Variants in ZC3H12C observed in about 807,000 individuals in gnomAD.
ZC3H12C encodes probable ribonuclease ZC3H12C.
In ZC3H12C, 20 loss-of-function variants were observed where a neutral mutation model predicts 76.3. The observed-to-expected ratio is 0.26, with a 90% confidence interval of 0.18 to 0.38. The LOEUF is 0.38. Among genes scored for constraint, ZC3H12C ranks in the 10% least tolerant of loss-of-function variants. ZC3H12C has a pLI of 1.00. For synonymous variants in ZC3H12C, 352 were observed against 399.6 expected (o/e 0.88, Z 1.42); for missense variants, 874 against 1,086.5 (o/e 0.80, Z 2.75).
chr11:110,111,656 A>G (rs547555574), intron 1 of ZC3H12C, among the ~76,000 whole-genome samples: 1 of 149,580 alleles, frequency 6.7e-6, no homozygotes, highest in African/African-American at 2.5e-5. Flanking sequence ...TCAGCTTCCC[A>G]AGTAGCTGGG....
At chr11:110,143,235 A>G (rs1323419914) in intron 2 of ZC3H12C, among the ~76,000 whole-genome samples, 1 of 152,162 alleles carries the variant, frequency 6.6e-6, no homozygotes, top group Admixed American at 6.6e-5. Flanking sequence ...ACGTTTCTGT[A>G]TTTTCCTATT....
At chr11:110,131,809 AAG>A (rs2134172047) in intron 1 of ZC3H12C, 1 of 152,406 alleles carries the variant, frequency 6.6e-6, no homozygotes, top group East Asian at 1.9e-4. Flanking sequence ...AAGGGTTAAA[AAG>A]AGGTTTTCAT....
chr11:110,139,371 G>C (rs1405404132), intron 2 of ZC3H12C, among the ~76,000 whole-genome samples: 1 of 152,200 alleles, frequency 6.6e-6, no homozygotes, highest in Non-Finnish European at 1.5e-5. Flanking sequence ...AGCTGGCTCT[G>C]TAATCCAAGG....
rs753852957 is a variant in ZC3H12C, at chr11:110,110,237, C to T, written c.21+16805C>T. Among the ~76,000 whole-genome samples the T allele has an allele frequency of 7.9e-5, 12 of 151,956 alleles. No individual in the cohort carries two copies. The East Asian group carries it at 1.2e-3, about 15-fold the overall frequency. On this transcript the variant is annotated intron_variant, in intron 1 of 5. Coordinates refer to ENST00000278590, the MANE Select transcript of ZC3H12C (RefSeq NM_033390.2). Reference sequence around the variant, plus strand: ...GGGATGGTGTAACTTTCAAAATAAACGTATTTTTCCTAGTTTGTTTTAAAA... The same window carrying T: ...GGGATGGTGTAACTTTCAAAATAAATGTATTTTTCCTAGTTTGTTTTAAAA...
chr11:110,116,135 G>A (rs1210519683), intron 1 of ZC3H12C, among the ~76,000 whole-genome samples: 2 of 151,988 alleles, frequency 1.3e-5, no homozygotes, highest in African/African-American at 2.4e-5. Context: ...TTAAACTTCA[G>A]TTTTCTCCCT....
Position 110,164,288 on chromosome 11 carries a change from T to G in ZC3H12C, c.1256-53T>G, listed in dbSNP as rs1862534932. On this transcript the variant is annotated intron_variant, in intron 5 of 5. Transcript: ENST00000278590. The surrounding 1 kb of genome is among the most constrained non-coding windows in gnomAD (Gnocchi z 5.7). Reference sequence around the variant, plus strand: ...GTTAAAATCATAGGGCCAAACTGAGTTTTCAGGATCTGATGGTATGCTCCT... The same window carrying G: ...GTTAAAATCATAGGGCCAAACTGAGGTTTCAGGATCTGATGGTATGCTCCT... The G allele has an allele frequency of 6.8e-7, 1 of 1,464,636 alleles. No homozygotes were observed. Among genetic ancestry groups the G allele is most frequent in the African/African-American group, 1.4e-5 (1 of 70,600 alleles). The allele number at this position is 1,464,636 out of a possible 1,614,324, so 90.7% of individuals were successfully genotyped here.
chr11:110,096,414 C>A (rs1338162426), intron 1 of ZC3H12C, among the ~76,000 whole-genome samples: 3 of 152,238 alleles, frequency 2.0e-5, no homozygotes, highest in East Asian at 1.9e-4. Flanking sequence ...CGTTTGTACA[C>A]TGATGTGCCA....
In ZC3H12C at chr11:110,169,339, G is replaced by GGTGTGTGTGTGTGTGTGTGTGT. The variant is rs143466304; in HGVS notation, c.*3623_*3644dup. ...TGTGACAGGTGGGAGGATGGCTCTG[G>GGTGTGTGTGTGTGTGTGTGTGT]GTGTGTGTGTGTGTGTGTGTGTGTG... is the stretch of plus-strand genomic sequence containing the variant. On this transcript the variant is annotated 3_prime_UTR_variant, in exon 6 of 6. Transcript: ENST00000278590. 1 of 146,266 alleles carries GGTGTGTGTGTGTGTGTGTGTGT rather than the reference G, an allele frequency of 6.8e-6. No individual in the cohort carries two copies. Among genetic ancestry groups the GGTGTGTGTGTGTGTGTGTGTGT allele is most frequent in the African/African-American group, 2.5e-5 (1 of 39,436 alleles). 9.1% of individuals were successfully genotyped at this position (146,266 alleles called of 1,614,324 possible). A position where few individuals can be genotyped will look rare whatever the true frequency, so the allele number is the denominator to read the frequency against.
rs1381513483 is a variant in ZC3H12C at position 110,165,967 on chromosome 11, A to G, written c.*230A>G. 6.3e-6 allele frequency: 3 copies of G among 478,456 alleles called. No homozygotes were observed. In the East Asian group the frequency reaches 1.1e-4, roughly 17 times the overall value. 29.6% of individuals were successfully genotyped at this position (478,456 alleles called of 1,614,324 possible). Reference sequence around the variant, plus strand: ...TTTTTAACATTTCCTTTTTAAAGCTATATCCTTGGCTGGAAATTTTTCCAG... The same window carrying G: ...TTTTTAACATTTCCTTTTTAAAGCTGTATCCTTGGCTGGAAATTTTTCCAG... On this transcript the variant is annotated 3_prime_UTR_variant, in exon 6 of 6. Coordinates refer to ENST00000278590, the MANE Select transcript of ZC3H12C (RefSeq NM_033390.2).
intron 1 of ZC3H12C, chr11:110,131,723 C>G (rs1359739266): frequency 1.3e-5 from 2 of 152,314 alleles, no homozygotes; most frequent in Non-Finnish European, 2.9e-5. Flanking sequence ...CTATTTTCTT[C>G]AAGAGTTCTG....
chr11:110,098,180 T>A (rs1861148294), intron 1 of ZC3H12C, among the ~76,000 whole-genome samples: 1 of 152,144 alleles, frequency 6.6e-6, no homozygotes. Context: ...ATCTTGGTGA[T>A]CCTGACCCTG....
At chr11:110,107,201 A>G (rs550610833) in intron 1 of ZC3H12C, among the ~76,000 whole-genome samples, 38 of 152,342 alleles carry the variant, frequency 2.5e-4, no homozygotes, top group African/African-American at 9.1e-4. Context: ...AATTGAACAT[A>G]TTGTTAATCA....
chr11:110,141,108 A>G (rs1862060434), intron 2 of ZC3H12C, among the ~76,000 whole-genome samples: 1 of 152,238 alleles, frequency 6.6e-6, no homozygotes, highest in South Asian at 2.1e-4. Flanking sequence ...CCCCGCAAAG[A>G]GTCATATTGG....
chr11:110,134,282 A>G (rs1232676449), intron 1 of ZC3H12C, among the ~76,000 whole-genome samples: 1 of 152,130 alleles, frequency 6.6e-6, no homozygotes, highest in Non-Finnish European at 1.5e-5. Flanking sequence ...CTTAAGTCCC[A>G]GTCTCTTTTA....
rs534283181 is a variant in ZC3H12C, at chr11:110,096,248, T to C, written c.21+2816T>C. Among the ~76,000 whole-genome samples, 3 of 152,376 alleles carry C rather than the reference T, an allele frequency of 2.0e-5. No homozygotes were observed. In the East Asian group the frequency reaches 5.8e-4, roughly 29 times the overall value. Reference sequence around the variant, plus strand: ...TCTAATTTCTTGGTGATTCAAGATTTGTTTAAAATTTTTGTAGGATTAGTG... The same window carrying C: ...TCTAATTTCTTGGTGATTCAAGATTCGTTTAAAATTTTTGTAGGATTAGTG... On this transcript the variant is annotated intron_variant, in intron 1 of 5. Coordinates refer to ENST00000278590, the MANE Select transcript of ZC3H12C (RefSeq NM_033390.2).
intron 2 of ZC3H12C, among the ~76,000 whole-genome samples, chr11:110,144,636 C>A (rs183801611): frequency 6.6e-6 from 1 of 151,998 alleles, no homozygotes; most frequent in Non-Finnish European, 1.5e-5. Context: ...AAATAATATA[C>A]GTATTATATA....
At chr11:110,112,473 G>T (rs547989657) in intron 1 of ZC3H12C, among the ~76,000 whole-genome samples, 2 of 152,316 alleles carry the variant, frequency 1.3e-5, no homozygotes, top group East Asian at 3.9e-4. Flanking sequence ...TTATAGGTGT[G>T]AGCCACCACA....
At chr11:110,116,370 G>A (rs1262754576) in intron 1 of ZC3H12C, among the ~76,000 whole-genome samples, 7 of 152,066 alleles carry the variant, frequency 4.6e-5, no homozygotes, top group Admixed American at 4.6e-4. Context: ...CTTTCCCTTT[G>A]AGAAACATTA....
At position 110,165,712 on chromosome 11, in the gene ZC3H12C, T is replaced by G; in HGVS notation, c.2627T>G (p.Val876Gly). Reference sequence around the variant, plus strand: ...CAGCAGCTCGCCGCAGCCATTTTAGTGGAGAAATCCCAGCTGGGTTATTGA... The same window carrying G: ...CAGCAGCTCGCCGCAGCCATTTTAGGGGAGAAATCCCAGCTGGGTTATTGA... ...DAQQLAAAIL[V>G]EKSQLGY Residue 876 changes from valine to glycine, a missense_variant, in exon 6 of 6, where the codon GTG becomes GGG. Physicochemically the swap from Val to Gly is moderately radical, Grantham distance 109. Coordinates refer to ENST00000278590, the MANE Select transcript of ZC3H12C (RefSeq NM_033390.2). 1 of 1,587,890 alleles carries G rather than the reference T, an allele frequency of 6.3e-7. No individual in the cohort carries two copies. The highest frequency in any genetic ancestry group is 8.6e-7 in the Non-Finnish European group (1 of 1,166,130).
Sources: allele counts gnomAD v4.1 joint callset (sites outside exome capture counted in the v4.1 genomes callset), GRCh38; gene constraint gnomAD v4.1.1; non-coding constraint Gnocchi (gnomAD v3.1); transcripts MANE v1.5; gene names NCBI Gene and HGNC (gene_info 2026-07-23, HGNC 2026-07-21).